The following JMY variants were observed in gnomAD, a reference collection of about 807,000 sequenced individuals.
JMY encodes junction mediating and regulatory protein, p53 cofactor.
JMY carries 46 observed loss-of-function variants against 103.3 expected under a neutral mutation model. The observed-to-expected ratio is 0.45, with a 90% CI of 0.35 to 0.57. The LOEUF (loss-of-function observed/expected upper bound fraction) is 0.57, where lower values mean the gene tolerates loss of function less well. Ranked by LOEUF, JMY falls within the 20% of genes least tolerant of loss-of-function variation. The pLI is 0.00. For missense variants in JMY, 1,238 were observed against 1,255.2 expected, an observed-to-expected ratio of 0.99 and a Z score of 0.21; for synonymous variants, 526 against 489.3, an observed-to-expected ratio of 1.07 and a Z score of -0.99.
intron 2 of JMY, among the ~76,000 whole-genome samples, chr5:79,286,991 A>G (rs960632666): frequency 2.6e-5 from 4 of 152,200 alleles, no homozygotes; most frequent in African/African-American, 9.7e-5. Context: ...ATTAAAACTG[A>G]AGCATAGAGG....
chr5:79,253,872 G>T (rs1745161999), intron 1 of JMY, among the ~76,000 whole-genome samples: 1 of 151,200 alleles, frequency 6.6e-6, no homozygotes, highest in Admixed American at 6.6e-5. Context: ...TTGCCATGTT[G>T]CCCAGGCTGG....
rs1321022754 is a variant in JMY, at chr5:79,322,633, T to C, written c.*1031T>C. The C allele has an allele frequency of 6.6e-6, 1 of 152,218 alleles. No homozygotes were observed. Among genetic ancestry groups the C allele is most frequent in the East Asian group, 1.9e-4 (1 of 5,200 alleles). The allele number at this position is 152,218 out of a possible 1,614,324, so 9.4% of individuals were successfully genotyped here. On this transcript the variant is annotated 3_prime_UTR_variant, in exon 11 of 11. Transcript: ENST00000396137. ...ATCTTCACATGCACTGAATGGAATT[T>C]TGGGAGAATGCCTTTGTTATAGTCA...
chr5:79,271,654 G>A (rs1268013764), intron 1 of JMY, among the ~76,000 whole-genome samples: 5 of 152,152 alleles, frequency 3.3e-5, no homozygotes, highest in African/African-American at 1.2e-4. Flanking sequence ...TAACGAGGAT[G>A]TTGTGACTGA....
intron 7 of JMY, among the ~76,000 whole-genome samples, chr5:79,308,765 C>T (rs1225074588): frequency 1.3e-5 from 2 of 151,932 alleles, no homozygotes; most frequent in African/African-American, 2.4e-5. Flanking sequence ...TAGCCTCTAC[C>T]GCCTTCTCCT....
At chr5:79,318,741 A>AATGTATAT (rs1747328387) in intron 10 of JMY, among the ~76,000 whole-genome samples, 1 of 134,772 alleles carries the variant, frequency 7.4e-6, no homozygotes, top group Non-Finnish European at 1.6e-5. Flanking sequence ...TTTGTAAAGG[A>AATGTATAT]ATATATATAT....
At chr5:79,311,312 C>T (rs1372749331) in intron 7 of JMY, among the ~76,000 whole-genome samples, 1 of 152,028 alleles carries the variant, frequency 6.6e-6, no homozygotes, top group African/African-American at 2.4e-5. Context: ...TGTTGTCTCC[C>T]TGCCACCCTT....
At chr5:79,277,064 A>T (rs1414097784) in intron 1 of JMY, among the ~76,000 whole-genome samples, 1 of 152,142 alleles carries the variant, frequency 6.6e-6, no homozygotes, top group Non-Finnish European at 1.5e-5. Context: ...TTTTATTTAT[A>T]ATTTTAATAA....
At chr5:79,284,309 AGGATAGATT>A in intron 2 of JMY, 1 of 1,448,978 alleles carries the variant, frequency 6.9e-7, no homozygotes, top group Non-Finnish European at 9.6e-7. Flanking sequence ...CATCATGGAG[AGGATAGATT>A]GGCAAGCCTT....
At chr5:79,277,345 G>A (rs1745970227) in intron 1 of JMY, among the ~76,000 whole-genome samples, 1 of 151,816 alleles carries the variant, frequency 6.6e-6, no homozygotes, top group Non-Finnish European at 1.5e-5. Context: ...AAATTTTTTG[G>A]GCTGGGTCCA....
intron 2 of JMY, among the ~76,000 whole-genome samples, chr5:79,282,612 G>A (rs1030042715): frequency 2.6e-5 from 4 of 152,274 alleles, no homozygotes; most frequent in South Asian, 4.1e-4. Context: ...AAGTGGGTAC[G>A]TTACAATCTC....
At chr5:79,312,284 A>C in intron 7 of JMY, 119 bp from the exon 8 acceptor site, 1 of 487,042 alleles carries the variant, frequency 2.1e-6, no homozygotes, top group Non-Finnish European at 3.6e-6. Flanking sequence ...GAACAAAAAA[A>C]AATTTTGTTC....
chr5:79,310,272 G>T (rs1003304288), intron 7 of JMY, among the ~76,000 whole-genome samples: 6 of 151,762 alleles, frequency 4.0e-5, no homozygotes, highest in Non-Finnish European at 7.4e-5. Context: ...TGTTGGCCAG[G>T]GTGGTCTCAA....
chr5:79,281,515 T>C (rs1186830381), intron 2 of JMY, among the ~76,000 whole-genome samples: 2 of 152,038 alleles, frequency 1.3e-5, no homozygotes. Flanking sequence ...AAACCCCTAT[T>C]GTATATGTGT....
At chr5:79,279,838 T>G (rs1235051156) in intron 2 of JMY, among the ~76,000 whole-genome samples, 9 of 152,194 alleles carry the variant, frequency 5.9e-5, no homozygotes, top group East Asian at 5.8e-4. Context: ...TTCCTGGTTT[T>G]TTTTGTTTTG....
At chr5:79,246,431 C>T (rs1344480141) in intron 1 of JMY, among the ~76,000 whole-genome samples, 1 of 152,178 alleles carries the variant, frequency 6.6e-6, no homozygotes, top group African/African-American at 2.4e-5. Flanking sequence ...TATCTCAGTT[C>T]ACACGTAGAT....
intron 2 of JMY, among the ~76,000 whole-genome samples, chr5:79,287,388 A>G (rs1239011617): frequency 6.6e-6 from 1 of 152,224 alleles, no homozygotes; most frequent in African/African-American, 2.4e-5. Context: ...ACATCTTCAG[A>G]CTTTCAAAGT....
chr5:79,277,163 T>G (rs1432649343), intron 1 of JMY, among the ~76,000 whole-genome samples: 1 of 152,160 alleles, frequency 6.6e-6, no homozygotes, highest in Non-Finnish European at 1.5e-5. Flanking sequence ...TTAAAAATTG[T>G]TTTCTGTTTA....
At chr5:79,303,581 G>A (rs1487330653) in intron 6 of JMY, among the ~76,000 whole-genome samples, 2 of 152,198 alleles carry the variant, frequency 1.3e-5, no homozygotes, top group Admixed American at 6.5e-5. Context: ...GATGTAGTGC[G>A]AGGAGAAAGG....
intron 10 of JMY, among the ~76,000 whole-genome samples, chr5:79,319,438 A>C (rs1467649102): frequency 6.6e-6 from 1 of 152,218 alleles, no homozygotes; most frequent in Non-Finnish European, 1.5e-5. Flanking sequence ...CTGATTAGGC[A>C]GTGATGAAGT....
Sources: gnomAD v4.1 joint callset for allele counts (sites outside exome capture counted in the v4.1 genomes callset) on GRCh38, gnomAD v4.1.1 for gene constraint, MANE v1.5 for transcripts, NCBI Gene and HGNC (gene_info 2026-07-23, HGNC 2026-07-21) for gene names.